Variants in ITFG1 observed in about 807,000 individuals in gnomAD.
ITFG1 encodes integrin alpha FG-GAP repeat containing 1.
A neutral mutation model predicts 81.8 loss-of-function variants in ITFG1; 34 were observed. The observed-to-expected ratio is 0.42, with a 90% CI of 0.32 to 0.55. ITFG1 has a LOEUF of 0.55. Among genes scored for constraint, ITFG1 ranks in the 20% least tolerant of loss-of-function variants. The probability of loss-of-function intolerance (pLI) is 0.17; values close to 1 mark genes in which losing one functional copy is unlikely to be tolerated. For synonymous variants in ITFG1, 285 were observed against 270.6 expected, an observed-to-expected ratio of 1.05 and a Z score of -0.52; for missense variants, 672 against 755.4, an observed-to-expected ratio of 0.89 and a Z score of 1.29.
intron 14 of ITFG1, among the ~76,000 whole-genome samples, chr16:47,169,445 C>G (rs1964932921): frequency 6.6e-6 from 1 of 151,730 alleles, no homozygotes; most frequent in Non-Finnish European, 1.5e-5. Context: ...TTTTACTCTT[C>G]TAAATGTTGC....
At chr16:47,190,584 C>G (rs1965280632) in intron 14 of ITFG1, among the ~76,000 whole-genome samples, 2 of 152,190 alleles carry the variant, frequency 1.3e-5, no homozygotes, top group Admixed American at 1.3e-4. Context: ...TTGTCACCTT[C>G]TGCTTCTCTA....
At chr16:47,239,200 GTT>G (rs879368480) in intron 12 of ITFG1, among the ~76,000 whole-genome samples, 7 of 145,098 alleles carry the variant, frequency 4.8e-5, no homozygotes, top group Admixed American at 4.8e-4. Context: ...TTACCCTAAG[GTT>G]TTTTTTTTTT....
At chr16:47,334,007 G>A (rs905201385) in intron 8 of ITFG1, among the ~76,000 whole-genome samples, 1 of 152,052 alleles carries the variant, frequency 6.6e-6, no homozygotes, top group African/African-American at 2.4e-5. Flanking sequence ...TTGGTATTTT[G>A]GCCCACCAGT....
chr16:47,369,843 T>C (rs1271338963), intron 7 of ITFG1, among the ~76,000 whole-genome samples: 1 of 135,694 alleles, frequency 7.4e-6, no homozygotes, highest in Non-Finnish European at 1.6e-5. Flanking sequence ...CTTTTTTTTT[T>C]TTTTTTTTTT....
intron 6 of ITFG1, among the ~76,000 whole-genome samples, chr16:47,409,391 TATA>T (rs1968773690): frequency 1.2e-4 from 2 of 16,498 alleles, no homozygotes; most frequent in Non-Finnish European, 2.4e-4. Flanking sequence ...TATATATATA[TATA>T]TATATATATA....
intron 6 of ITFG1, among the ~76,000 whole-genome samples, chr16:47,393,737 A>AG (rs1567484644): frequency 1.3e-5 from 2 of 152,102 alleles, no homozygotes; most frequent in Non-Finnish European, 2.9e-5. Context: ...TCTAAAAAAA[A>AG]AAAAGAAATT....
rs371185525 is a variant in ITFG1, at chr16:47,407,928, CCAAGAGTGTG to C, written c.655+20866_655+20875del. Among the ~76,000 whole-genome samples the C allele has an allele frequency of 7.5e-3, 1,139 of 152,188 alleles. 18 individuals are homozygous for C. The highest frequency in any genetic ancestry group is 0.026 in the African/African-American group (1,079 of 41,500). ...GGTGCTTATTAAAGCCATGAGATCA[CCAAGAGTGTG>C]CAAAGAAAGAAAAATAAGACTCCTG... On this transcript the variant is annotated intron_variant, in intron 6 of 17. Coordinates refer to ENST00000320640, the MANE Select transcript of ITFG1 (RefSeq NM_030790.5).
At chr16:47,206,983 C>T (rs1011841652) in intron 14 of ITFG1, among the ~76,000 whole-genome samples, 1 of 152,208 alleles carries the variant, frequency 6.6e-6, no homozygotes, top group Non-Finnish European at 1.5e-5. Flanking sequence ...TGCTTTTATT[C>T]GTTCACTCAA....
At chr16:47,205,842 A>ATCTATCTATCTC (rs1965489640) in intron 14 of ITFG1, among the ~76,000 whole-genome samples, 1 of 121,948 alleles carries the variant, frequency 8.2e-6, no homozygotes, top group African/African-American at 2.7e-5. Flanking sequence ...CTATCTATCT[A>ATCTATCTATCTC]TCTATCTATC....
In ITFG1 at chr16:47,182,937, C is replaced by A. The variant is rs556716079; in HGVS notation, c.1454-20273G>T. 6.7e-4 allele frequency among the ~76,000 whole-genome samples: 102 copies of A among 152,292 alleles called. 1 individual carries two copies. The highest frequency in any genetic ancestry group is 2.3e-3 in the African/African-American group (97 of 41,570). Reference sequence around the variant, plus strand: ...ACACCGTGCGCGAGCGGAAGCAGGGCGAGCCATTGCCTCACTCGGGAAGCG... The same window carrying A: ...ACACCGTGCGCGAGCGGAAGCAGGGAGAGCCATTGCCTCACTCGGGAAGCG... On this transcript the variant is annotated intron_variant, in intron 14 of 17. Transcript: ENST00000320640.
At chr16:47,339,439 T>C (rs1360596898) in intron 8 of ITFG1, among the ~76,000 whole-genome samples, 3 of 152,308 alleles carry the variant, frequency 2.0e-5, no homozygotes, top group East Asian at 3.9e-4. Context: ...ATCTTAAATA[T>C]GTTCAAAGGG....
intron 10 of ITFG1, among the ~76,000 whole-genome samples, chr16:47,297,286 C>T (rs1966997531): frequency 6.6e-6 from 1 of 152,116 alleles, no homozygotes; most frequent in Non-Finnish European, 1.5e-5. Flanking sequence ...CTTTTTCCAA[C>T]TCCTTTACCC....
At chr16:47,187,067 C>A (rs1965228450) in intron 14 of ITFG1, among the ~76,000 whole-genome samples, 1 of 151,916 alleles carries the variant, frequency 6.6e-6, no homozygotes. Context: ...ATGTGAAGGA[C>A]CTCTTCAAGG....
At chr16:47,424,635 T>C (rs1157840089) in intron 6 of ITFG1, among the ~76,000 whole-genome samples, 4 of 152,234 alleles carry the variant, frequency 2.6e-5, no homozygotes, top group Admixed American at 6.5e-5. Flanking sequence ...GTCCTTTTTG[T>C]TCATGTTGAT....
intron 6 of ITFG1, chr16:47,426,280 T>C (rs1373737354): frequency 2.0e-5 from 3 of 152,062 alleles, no homozygotes; most frequent in Non-Finnish European, 4.4e-5. Flanking sequence ...AAAGTCAGTA[T>C]TGTTTAAGGA....
At chr16:47,167,903 T>C (rs1280229807) in intron 14 of ITFG1, among the ~76,000 whole-genome samples, 1 of 152,224 alleles carries the variant, frequency 6.6e-6, no homozygotes, top group Non-Finnish European at 1.5e-5. Context: ...AATATGGATG[T>C]ACAAATACCT....
At chr16:47,180,060 T>C (rs1965086097) in intron 14 of ITFG1, among the ~76,000 whole-genome samples, 1 of 152,222 alleles carries the variant, frequency 6.6e-6, no homozygotes, top group African/African-American at 2.4e-5. Context: ...GGTGCTTAGA[T>C]ACTTCCAGTC....
chr16:47,311,044 C>T (rs1967250497), intron 10 of ITFG1, among the ~76,000 whole-genome samples, 196 bp downstream of exon 10: 1 of 148,210 alleles, frequency 6.7e-6, no homozygotes, highest in African/African-American at 2.5e-5. Context: ...GATAATGAAT[C>T]TGTGAAAAAA....
At chr16:47,289,976 T>C (rs1348817993) in intron 10 of ITFG1, among the ~76,000 whole-genome samples, 3 of 152,136 alleles carry the variant, frequency 2.0e-5, no homozygotes, top group African/African-American at 7.2e-5. Context: ...TTGGTGTTTA[T>C]ATCAGCTTTT....
Sources: gnomAD v4.1 joint callset for allele counts (sites outside exome capture counted in the v4.1 genomes callset) on GRCh38, gnomAD v4.1.1 for gene constraint, MANE v1.5 for transcripts, NCBI Gene and HGNC (gene_info 2026-07-23, HGNC 2026-07-21) for gene names.